Variants in ABCA13 observed in about 807,000 individuals in gnomAD.
ABCA13 encodes the protein ATP binding cassette subfamily A member 13.
Under a neutral mutation model 478.7 loss-of-function variants are expected in ABCA13, and 476 were observed. The observed-to-expected ratio is 0.99, with a 90% CI of 0.92 to 1.07. The LOEUF (loss-of-function observed/expected upper bound fraction) is 1.07, where lower values mean the gene tolerates loss of function less well. Among genes scored for constraint, ABCA13 ranks in the 50% least tolerant of loss-of-function variants. ABCA13 has a pLI of 0.00. For synonymous variants in ABCA13, 2,252 were observed against 2,158.9 expected, an observed-to-expected ratio of 1.04 and a Z score of -1.20; for missense variants, 6,060 against 5,910.6, an observed-to-expected ratio of 1.03 and a Z score of -0.83.
At chr7:48,411,044 T>A (rs867870934) in intron 40 of ABCA13, among the ~76,000 whole-genome samples, 1 of 102,362 alleles carries the variant, frequency 9.8e-6, no homozygotes, top group East Asian at 2.8e-4. Context: ...TCTTTCTTTC[T>A]TTCTTTTTCT....
At chr7:48,296,464 CTTT>C (rs557053131) in intron 21 of ABCA13, among the ~76,000 whole-genome samples, 3 of 143,510 alleles carry the variant, frequency 2.1e-5, no homozygotes, top group Non-Finnish European at 3.1e-5. Context: ...TTTCTTTTCT[CTTT>C]TTTTTTTTTT....
intron 38 of ABCA13, among the ~76,000 whole-genome samples, chr7:48,396,500 G>C (rs1280611289): frequency 1.3e-5 from 2 of 152,218 alleles, no homozygotes; most frequent in African/African-American, 4.8e-5. Context: ...GCCAGGATCT[G>C]ACCTAGGACT....
chr7:48,516,894 G>C lies in ABCA13; in HGVS notation c.13797+13G>C. ...CTCCAAAGCTAAGGTCAGTAGCTTTGTAGCATCACCTCTACACTTCTGCAC... is the reference window on the plus strand; with the variant it reads ...CTCCAAAGCTAAGGTCAGTAGCTTTCTAGCATCACCTCTACACTTCTGCAC... On this transcript the variant is annotated intron_variant, in intron 52 of 61. Coordinates refer to ENST00000435803, the MANE Select transcript of ABCA13 (RefSeq NM_152701.5). 1 of 1,612,728 alleles carries C rather than the reference G, an allele frequency of 6.2e-7. No homozygotes were observed.
intron 57 of ABCA13, among the ~76,000 whole-genome samples, chr7:48,592,472 T>G (rs889190394): frequency 6.6e-6 from 1 of 151,942 alleles, no homozygotes; most frequent in African/African-American, 2.4e-5. Context: ...TTAAAATTGT[T>G]TAGACTTGTT....
chr7:48,454,859 C>T (rs1176664500), intron 42 of ABCA13, among the ~76,000 whole-genome samples, 178 bp from the exon 43 acceptor site: 2 of 152,218 alleles, frequency 1.3e-5, no homozygotes, highest in African/African-American at 4.8e-5. Flanking sequence ...GGCCCAAGGC[C>T]CAGCTTCCGC....
At chr7:48,527,157 G>A (rs925054074) in intron 54 of ABCA13, among the ~76,000 whole-genome samples, 6 of 152,126 alleles carry the variant, frequency 3.9e-5, no homozygotes, top group Non-Finnish European at 2.9e-5. Flanking sequence ...AAAAGCGTTG[G>A]TAGAATTTGG....
At chr7:48,443,581 A>G (rs1823907185) in intron 42 of ABCA13, among the ~76,000 whole-genome samples, 1 of 152,130 alleles carries the variant, frequency 6.6e-6, no homozygotes, top group Non-Finnish European at 1.5e-5. Context: ...TACTCATCGC[A>G]TGGTTTTCAG....
At chr7:48,296,335 G>A (rs1444855652) in intron 21 of ABCA13, among the ~76,000 whole-genome samples, 1 of 152,176 alleles carries the variant, frequency 6.6e-6, no homozygotes, top group East Asian at 1.9e-4. Flanking sequence ...AGGAGTTCAA[G>A]GCTGCAGTGA....
At chr7:48,537,532 C>T (rs1437446909) in intron 55 of ABCA13, among the ~76,000 whole-genome samples, 3 of 152,130 alleles carry the variant, frequency 2.0e-5, no homozygotes, top group Non-Finnish European at 4.4e-5. Flanking sequence ...ATCCCTGACG[C>T]AGGTAGCCCC....
At chr7:48,291,198 G>C (rs1213923865) in intron 20 of ABCA13, among the ~76,000 whole-genome samples, 2 of 152,164 alleles carry the variant, frequency 1.3e-5, no homozygotes, top group East Asian at 3.9e-4. Flanking sequence ...GTGGGTGAAG[G>C]CTGGAGGAGG....
At chr7:48,323,759 A>G (rs961302335) in intron 27 of ABCA13, among the ~76,000 whole-genome samples, 1 of 152,144 alleles carries the variant, frequency 6.6e-6, no homozygotes, top group African/African-American at 2.4e-5. Flanking sequence ...CTGTGCCCCC[A>G]CCCACATCTC....
chr7:48,512,011 C>G (rs1449619030), intron 51 of ABCA13, among the ~76,000 whole-genome samples: 1 of 151,716 alleles, frequency 6.6e-6, no homozygotes, highest in Non-Finnish European at 1.5e-5. Flanking sequence ...TATACCATTA[C>G]TAGATGATTG....
At chr7:48,447,527 G>A (rs1447628307) in intron 42 of ABCA13, among the ~76,000 whole-genome samples, 2 of 152,076 alleles carry the variant, frequency 1.3e-5, no homozygotes, top group Non-Finnish European at 2.9e-5. Flanking sequence ...TTGCAATGAA[G>A]CCCCATTAAT....
intron 27 of ABCA13, among the ~76,000 whole-genome samples, chr7:48,319,602 A>G (rs1270817997): frequency 6.6e-6 from 1 of 152,194 alleles, no homozygotes; most frequent in East Asian, 1.9e-4. Flanking sequence ...GTTAGGTGGA[A>G]CCATCTGAAG....
In ABCA13 at chr7:48,244,572, T is replaced by G; in HGVS notation, c.1263-4T>G. 2 of 1,611,636 alleles carry G rather than the reference T, an allele frequency of 1.2e-6. No individual in the cohort carries two copies. Among genetic ancestry groups the G allele is most frequent in the East Asian group, 4.5e-5 (2 of 44,828 alleles). ...TTATTTCATTTATTTATTTTTGCCC[T>G]CAGATTACAGCATCTGTGGAAATTG... On this transcript the variant is annotated splice_region_variant and splice_polypyrimidine_tract_variant and intron_variant, in intron 10 of 61. Transcript: ENST00000435803.
chr7:48,378,897 G>T (rs931366659), intron 35 of ABCA13, among the ~76,000 whole-genome samples: 5 of 152,128 alleles, frequency 3.3e-5, no homozygotes, highest in Non-Finnish European at 1.5e-5. Flanking sequence ...CCCTGCAAAG[G>T]GAAGCAAATG....
chr7:48,270,231 G>A (rs1390119918), intron 16 of ABCA13, among the ~76,000 whole-genome samples: 1 of 152,024 alleles, frequency 6.6e-6, no homozygotes, highest in African/African-American at 2.4e-5. Flanking sequence ...CATAATAACA[G>A]CTTGAACCTG....
chr7:48,521,208 C>G (rs369797959), intron 53 of ABCA13, among the ~76,000 whole-genome samples: 6 of 152,242 alleles, frequency 3.9e-5, no homozygotes, highest in African/African-American at 1.4e-4. Context: ...TGGCTTCCCC[C>G]CCATACCCAA....
At chr7:48,472,442 C>T (rs1262876032) in intron 45 of ABCA13, among the ~76,000 whole-genome samples, 1 of 152,028 alleles carries the variant, frequency 6.6e-6, no homozygotes, top group African/African-American at 2.4e-5. Flanking sequence ...GACACACTTC[C>T]AAGTTATCTT....
Sources: allele counts gnomAD v4.1 joint callset (sites outside exome capture counted in the v4.1 genomes callset), GRCh38; gene constraint gnomAD v4.1.1; transcripts MANE v1.5; gene names NCBI Gene and HGNC (gene_info 2026-07-23, HGNC 2026-07-21).